PTPA: variants seen among roughly 807,000 people sequenced by gnomAD.
PTPA encodes the protein protein phosphatase 2 phosphatase activator.
Under a neutral mutation model 43.6 loss-of-function variants are expected in PTPA, and 13 were observed. The observed-to-expected ratio is 0.30, with a 90% CI of 0.19 to 0.47. The LOEUF is 0.47. Among genes scored for constraint, PTPA ranks in the 20% least tolerant of loss-of-function variants. The pLI is 0.99. For missense variants in PTPA, 329 were observed against 411.9 expected, an observed-to-expected ratio of 0.80 and a Z score of 1.74; for synonymous variants, 172 against 158.2, an observed-to-expected ratio of 1.09 and a Z score of -0.66.
chr9:129,116,637 G>A (rs904817856), intron 1 of PTPA, among the ~76,000 whole-genome samples: 5 of 151,898 alleles, frequency 3.3e-5, no homozygotes, highest in African/African-American at 9.7e-5. Context: ...CGCCCGCCTC[G>A]GCCTCCCAAA....
At chr9:129,116,384 CTTTTTTTTT>C (rs142067473) in intron 1 of PTPA, among the ~76,000 whole-genome samples, 1 of 107,706 alleles carries the variant, frequency 9.3e-6, no homozygotes, top group African/African-American at 4.3e-5. Flanking sequence ...GACAGGGTTT[CTTTTTTTTT>C]TTTTTTTTTT....
chr9:129,141,266 T>TGA (rs1850801443), intron 8 of PTPA, among the ~76,000 whole-genome samples: 1 of 152,152 alleles, frequency 6.6e-6, no homozygotes, highest in Non-Finnish European at 1.5e-5. Context: ...TGGGGGCTCC[T>TGA]GAGGGCTCTT....
intron 8 of PTPA, among the ~76,000 whole-genome samples, chr9:129,138,940 C>T (rs1049328484): frequency 3.3e-5 from 5 of 152,186 alleles, no homozygotes; most frequent in African/African-American, 1.2e-4. Flanking sequence ...TTGGGGGCAG[C>T]CTGGCTCACT....
chr9:129,114,303 G>A lies in PTPA; in HGVS notation c.31+2672G>A, dbSNP rs1354938492. ...CACCCAGAGTGCTGGGATTACAGGC[G>A]TGAGCCACCGCGCCCGGCGAGAAGT... On this transcript the variant is annotated intron_variant, in intron 1 of 9. Transcript: ENST00000393370. Among the ~76,000 whole-genome samples the A allele has an allele frequency of 3.9e-5, 6 of 152,320 alleles. No homozygotes were observed. In the South Asian group the frequency reaches 6.2e-4, roughly 16 times the overall value.
intron 9 of PTPA, chr9:129,143,250 C>G (rs907285209): frequency 2.9e-6 from 2 of 697,518 alleles, no homozygotes; most frequent in Non-Finnish European, 5.2e-6. Flanking sequence ...GTCCCTTCTG[C>G]TAGCTCCTCC....
Position 129,131,747 on chromosome 9 carries a change from G to A in PTPA, c.460+108G>A, listed in dbSNP as rs543696762. The stretch of plus-strand genomic sequence containing the variant: ...AGCAAGTGAGAGCAATCAAGAATTC[G>A]CCAAGCACCTGCAACCTATTGGGGC... On this transcript the variant is annotated intron_variant, in intron 5 of 9. Coordinates refer to ENST00000393370, the MANE Select transcript of PTPA (RefSeq NM_178000.3). 334 of 1,118,742 alleles carry A rather than the reference G, an allele frequency of 3.0e-4. 5 individuals carry two copies. The highest frequency in any genetic ancestry group is 2.9e-3 in the South Asian group (210 of 72,840). 69.3% of individuals were successfully genotyped at this position (1,118,742 alleles called of 1,614,324 possible).
At chr9:129,111,993 G>C in intron 1 of PTPA, 1 of 279,864 alleles carries the variant, frequency 3.6e-6, no homozygotes, top group Non-Finnish European at 6.5e-6. Context: ...CAGGGAGGGG[G>C]GCGAAAGTGA....
chr9:129,140,429 G>T (rs1490824519), intron 8 of PTPA, among the ~76,000 whole-genome samples: 1 of 152,224 alleles, frequency 6.6e-6, no homozygotes, highest in Non-Finnish European at 1.5e-5. Context: ...CCCCTCCAAA[G>T]AAACTACCTC....
chr9:129,124,840 C>T (rs1156709592), intron 3 of PTPA, among the ~76,000 whole-genome samples: 6 of 152,228 alleles, frequency 3.9e-5, no homozygotes, highest in African/African-American at 1.4e-4. Flanking sequence ...TTTCCACCTG[C>T]CCCAAGATTA....
At chr9:129,145,705 G>T (rs1373139110) in intron 9 of PTPA, among the ~76,000 whole-genome samples, 1 of 152,192 alleles carries the variant, frequency 6.6e-6, no homozygotes, top group Non-Finnish European at 1.5e-5. Context: ...GCTCTCAGGG[G>T]CCTTGTGTGG....
chr9:129,142,362 A>G, intron 8 of PTPA, 83 bp from the exon 9 acceptor site: 3 of 1,265,606 alleles, frequency 2.4e-6, no homozygotes, highest in Non-Finnish European at 3.3e-6. Flanking sequence ...GTGTGCATGC[A>G]TGGGTGTGAC....
At chr9:129,115,262 A>G (rs1291764924) in intron 1 of PTPA, among the ~76,000 whole-genome samples, 1 of 152,202 alleles carries the variant, frequency 6.6e-6, no homozygotes, top group Non-Finnish European at 1.5e-5. Flanking sequence ...TCTTAGTTGA[A>G]GTGCCAATTT....
intron 1 of PTPA, among the ~76,000 whole-genome samples, chr9:129,114,561 G>A (rs927009173): frequency 6.6e-5 from 10 of 152,132 alleles, no homozygotes; most frequent in African/African-American, 1.4e-4. Context: ...CATAGTAGGC[G>A]ATCAGTAAAT....
At chr9:129,122,984 T>C in intron 2 of PTPA, 68 bp from the exon 3 acceptor site, 1 of 1,248,368 alleles carries the variant, frequency 8.0e-7, no homozygotes, top group East Asian at 2.4e-5. Context: ...CTGGTGGAGC[T>C]CGGGGCAGGT....
intron 1 of PTPA, among the ~76,000 whole-genome samples, chr9:129,112,295 G>A (rs934115543): frequency 6.6e-6 from 1 of 152,202 alleles, no homozygotes; most frequent in Non-Finnish European, 1.5e-5. Context: ...TGGGATGGAG[G>A]TGCTACGGAA....
chr9:129,113,844 A>G (rs894195177), intron 1 of PTPA, among the ~76,000 whole-genome samples: 1 of 152,154 alleles, frequency 6.6e-6, no homozygotes, highest in African/African-American at 2.4e-5. Flanking sequence ...AACCACTGTT[A>G]TCAGTGAGAT....
chr9:129,141,957 G>C (rs1218626436), intron 8 of PTPA: 1 of 153,342 alleles, frequency 6.5e-6, no homozygotes, highest in African/African-American at 2.4e-5. Context: ...CTGGGGGAGA[G>C]GGGGTGGGCC....
At chr9:129,128,069 G>A in intron 3 of PTPA, 1 of 1,325,758 alleles carries the variant, frequency 7.5e-7, no homozygotes, top group Non-Finnish European at 1.0e-6. Flanking sequence ...ACCTTCGGAG[G>A]TATTTATCAT....
At chr9:129,133,799 C>G (rs1362694130) in intron 5 of PTPA, among the ~76,000 whole-genome samples, 1 of 152,196 alleles carries the variant, frequency 6.6e-6, no homozygotes, top group East Asian at 1.9e-4. Flanking sequence ...CACGTTCTCC[C>G]TTGCTCTCAC....
Sources: allele counts gnomAD v4.1 joint callset (sites outside exome capture counted in the v4.1 genomes callset), GRCh38; gene constraint gnomAD v4.1.1; transcripts MANE v1.5; gene names NCBI Gene and HGNC (gene_info 2026-07-23, HGNC 2026-07-21).